The following KIAA0513 variants were observed in gnomAD, a reference collection of about 807,000 sequenced individuals.
The protein encoded by KIAA0513 is KIAA0513.
KIAA0513 carries 39 observed loss-of-function variants against 56.5 expected under a neutral mutation model. The observed-to-expected ratio is 0.69, with a 90% CI of 0.53 to 0.90. The LOEUF (loss-of-function observed/expected upper bound fraction) is 0.90. Among genes scored for constraint, KIAA0513 ranks in the 40% least tolerant of loss-of-function variants. The probability of loss-of-function intolerance (pLI) is 0.00; values close to 1 mark genes in which losing one functional copy is unlikely to be tolerated. For missense variants in KIAA0513, 591 were observed against 535.2 expected (o/e 1.10, Z -1.03); for synonymous variants, 268 against 215.6 (o/e 1.24, Z -2.13).
chr16:85,050,511 TC>T (rs2073237756), intron 1 of KIAA0513, among the ~76,000 whole-genome samples: 1 of 152,110 alleles, frequency 6.6e-6, no homozygotes, highest in African/African-American at 2.4e-5. Flanking sequence ...AGACAGGGTT[TC>T]ACCATGTTGG....
In KIAA0513 at chr16:85,066,748, G is replaced by A. The variant is rs1166119200; in HGVS notation, c.-172-152G>A. The A allele has an allele frequency of 3.7e-5, 11 of 300,530 alleles. 1 individual carries two copies. The East Asian group carries it at 5.5e-4, about 15-fold the overall frequency. 18.6% of individuals were successfully genotyped at this position (300,530 alleles called of 1,614,324 possible). On this transcript the variant is annotated intron_variant, in intron 1 of 12. Coordinates refer to ENST00000683363, the MANE Select transcript of KIAA0513 (RefSeq NM_001388359.1). ...ATTGAGGACCTACCATGGACCAGGT[G>A]TTGAACAGTAAAGCGGACAGTAGGA...
rs1180432928 is a variant in KIAA0513, at chr16:85,087,157, C to T, written c.1177C>T (p.Leu393=). The T allele has an allele frequency of 1.2e-6, 2 of 1,613,862 alleles. No individual in the cohort carries two copies. The highest frequency in any genetic ancestry group is 2.2e-5 in the South Asian group (2 of 91,078). The change falls in exon 12 of 13, where the codon CTG becomes TTG. Residue 393 remains leucine, a synonymous_variant. Transcript: ENST00000683363. ...FLKKQAVIGN[L]DEEQYKLLSD... is the part of the protein sequence containing the mutation. ...GAAGAAGCAGGCTGTGATTGGCAAC[C>T]TGGATGAAGGTGCGTCTGGGGGAGG... is the stretch of plus-strand genomic sequence containing the variant.
chr16:85,055,557 A>AAC (rs1466272652), intron 1 of KIAA0513, among the ~76,000 whole-genome samples: 1 of 152,152 alleles, frequency 6.6e-6, no homozygotes. Context: ...AACACACACA[A>AAC]ACAACTGCAG....
intron 1 of KIAA0513, among the ~76,000 whole-genome samples, chr16:85,045,244 T>G (rs1404155789): frequency 2.0e-5 from 3 of 152,246 alleles, no homozygotes; most frequent in African/African-American, 7.2e-5. Context: ...AACGGGAGGC[T>G]GGGGCTACCA....
chr16:85,047,790 C>G (rs761368775), intron 1 of KIAA0513, among the ~76,000 whole-genome samples: 2 of 152,172 alleles, frequency 1.3e-5, no homozygotes, highest in Non-Finnish European at 2.9e-5. Context: ...CTCTGGATAT[C>G]GAGTTGTATT....
intron 1 of KIAA0513, among the ~76,000 whole-genome samples, chr16:85,042,432 G>A (rs117959674): frequency 6.6e-6 from 1 of 152,158 alleles, no homozygotes; most frequent in African/African-American, 2.4e-5. Context: ...GAGCAAATAG[G>A]GGGCAGGGTC....
intron 2 of KIAA0513, among the ~76,000 whole-genome samples, chr16:85,068,868 T>A (rs1318673960): frequency 6.6e-6 from 1 of 152,190 alleles, no homozygotes; most frequent in East Asian, 1.9e-4. Context: ...GGGGCACTTG[T>A]TCTGCTTGTG....
At chr16:85,084,980 T>C (rs1026191525) in intron 10 of KIAA0513, among the ~76,000 whole-genome samples, 6 of 152,232 alleles carry the variant, frequency 3.9e-5, no homozygotes, top group Non-Finnish European at 5.9e-5. Flanking sequence ...GTCTTCACCA[T>C]GGCAAGAAGA....
At chr16:85,070,821 G>T (rs917162260) in intron 2 of KIAA0513, among the ~76,000 whole-genome samples, 13 of 152,218 alleles carry the variant, frequency 8.5e-5, no homozygotes, top group South Asian at 2.1e-4. Context: ...AACGAAAGGG[G>T]AAAATGCCCA....
chr16:85,069,504 C>T (rs745411659), intron 2 of KIAA0513, among the ~76,000 whole-genome samples: 6 of 152,098 alleles, frequency 3.9e-5, no homozygotes, highest in Admixed American at 6.6e-5. Flanking sequence ...GGGGCTGTGA[C>T]GTCCACTGAG....
chr16:85,079,767 G>C (rs2073715323), intron 8 of KIAA0513: 3 of 152,236 alleles, frequency 2.0e-5, no homozygotes, highest in Admixed American at 2.0e-4. Context: ...GTATGTTTTA[G>C]AGGGTGAATT....
At chr16:85,086,274 C>A (rs1597650645) in intron 10 of KIAA0513, among the ~76,000 whole-genome samples, 3 of 152,368 alleles carry the variant, frequency 2.0e-5, no homozygotes, top group African/African-American at 7.2e-5. Context: ...AGGTTTCTCC[C>A]CTGAGGACAG....
intron 3 of KIAA0513, among the ~76,000 whole-genome samples, chr16:85,072,304 A>C: frequency 6.6e-6 from 1 of 152,154 alleles, no homozygotes. Context: ...ATTCCGGAAA[A>C]GCTCAGTTTT....
chr16:85,054,421 CTTTTTTTTTT>C (rs398042273), intron 1 of KIAA0513, among the ~76,000 whole-genome samples: 25 of 119,554 alleles, frequency 2.1e-4, no homozygotes, highest in Non-Finnish European at 1.7e-4. Context: ...TTTTTCTTTT[CTTTTTTTTTT>C]TTTTTTTTGT....
Position 85,075,846 on chromosome 16 carries a change from G to A in KIAA0513, c.506G>A (p.Cys169Tyr). 6.8e-6 allele frequency: 11 copies of A among 1,614,106 alleles called. No individual in the cohort carries two copies. Among genetic ancestry groups the A allele is most frequent in the Non-Finnish European group, 9.3e-6 (11 of 1,179,958 alleles). ...ATGAGCCTTGCCTCTTGTTTCAGGT[G>A]TCATCAGATGGATGACTTTGGGCCT... ...VQSFAVVLFE[C>Y]HQMDDFGPAK... The change falls in exon 5 of 13, where the codon TGT becomes TAT. Residue 169 changes from cysteine (C) to tyrosine (Y), a missense_variant and splice_region_variant. Coordinates refer to ENST00000683363, the MANE Select transcript of KIAA0513 (RefSeq NM_001388359.1).
rs763703131 is a variant in KIAA0513, at chr16:85,067,410, C to A, written c.329+10C>A. ...AGATCTTCTCTGGAGGGTAAGGGGCCTGTGTGGACGAGACAGCCTGGTGTG... is the reference window on the plus strand; with the variant it reads ...AGATCTTCTCTGGAGGGTAAGGGGCATGTGTGGACGAGACAGCCTGGTGTG... On this transcript the variant is annotated intron_variant, in intron 2 of 12. Transcript: ENST00000683363. 16 of 1,587,142 alleles carry A rather than the reference C, an allele frequency of 1.0e-5. No individual in the cohort carries two copies. Among genetic ancestry groups the A allele is most frequent in the Non-Finnish European group, 1.4e-5 (16 of 1,172,012 alleles).
chr16:85,065,074 T>TA (rs1399065160), intron 1 of KIAA0513, among the ~76,000 whole-genome samples: 12 of 152,370 alleles, frequency 7.9e-5, no homozygotes, highest in African/African-American at 2.4e-4. Context: ...TGTGAATTTG[T>TA]AGTACAGACA....
chr16:85,071,023 A>G (rs947131939), intron 2 of KIAA0513, among the ~76,000 whole-genome samples: 2 of 152,282 alleles, frequency 1.3e-5, no homozygotes, highest in Non-Finnish European at 2.9e-5. Flanking sequence ...TCTACAAAAC[A>G]TAAATGAAGA....
chr16:85,028,667 A>G (rs1402757193), intron 1 of KIAA0513, among the ~76,000 whole-genome samples: 1 of 142,206 alleles, frequency 7.0e-6, no homozygotes, highest in East Asian at 2.1e-4. Flanking sequence ...TTGCAGGTTG[A>G]TTAGACTTGG....
Sources: allele counts gnomAD v4.1 joint callset (sites outside exome capture counted in the v4.1 genomes callset), GRCh38; gene constraint gnomAD v4.1.1; transcripts MANE v1.5; gene names NCBI Gene and HGNC (gene_info 2026-07-23, HGNC 2026-07-21).